The following CCNYL1 variants were observed in gnomAD, a reference collection of about 807,000 sequenced individuals.
CCNYL1 encodes the protein cyclin-Y-like protein 1.
CCNYL1 carries 16 observed loss-of-function variants against 44.2 expected under a neutral mutation model. The observed-to-expected ratio is 0.36, with a 90% confidence interval of 0.25 to 0.55. The LOEUF (loss-of-function observed/expected upper bound fraction) is 0.55, where lower values mean the gene tolerates loss of function less well. Ranked by LOEUF, CCNYL1 falls within the 20% of genes least tolerant of loss-of-function variation. The pLI is 0.85. For synonymous variants in CCNYL1, 159 were observed against 163.2 expected, an observed-to-expected ratio of 0.97 and a Z score of 0.20; for missense variants, 348 against 451.8, an observed-to-expected ratio of 0.77 and a Z score of 2.08.
chr2:207,725,100 A>T (rs2091670218), intron 2 of CCNYL1, among the ~76,000 whole-genome samples: 1 of 148,788 alleles, frequency 6.7e-6, no homozygotes, highest in Non-Finnish European at 1.5e-5. Flanking sequence ...AACACAATTA[A>T]TTGGCCACAT....
At position 207,754,643 on chromosome 2, in the gene CCNYL1, T is replaced by TG. The variant is rs200685932; in HGVS notation, c.*950dup. 1,078 of 152,834 alleles carry TG rather than the reference T, an allele frequency of 7.1e-3. 11 individuals carry two copies. The highest frequency in any genetic ancestry group is 0.035 in the South Asian group (168 of 4,840). 9.5% of individuals were successfully genotyped at this position (152,834 alleles called of 1,614,324 possible). On this transcript the variant is annotated 3_prime_UTR_variant, in exon 10 of 10. Transcript: ENST00000295414. ...TTTGTTTTGTTTGTTTTTAAAGAGA[T>TG]GGGGGTCTTACTGCGTTGTCCAGGC... is the stretch of plus-strand genomic sequence containing the variant.
intron 5 of CCNYL1, among the ~76,000 whole-genome samples, chr2:207,738,754 C>T (rs1456101606): frequency 6.6e-6 from 1 of 151,778 alleles, no homozygotes; most frequent in South Asian, 2.1e-4. Flanking sequence ...GAGTCTCATT[C>T]CATCACCCAG....
chr2:207,727,855 A>G (rs1171283361), intron 3 of CCNYL1, among the ~76,000 whole-genome samples: 1 of 151,734 alleles, frequency 6.6e-6, no homozygotes, highest in Admixed American at 6.6e-5. Flanking sequence ...CTATCTTGTT[A>G]TCCTTCCTAG....
chr2:207,712,957 A>C (rs1307280236), intron 1 of CCNYL1, among the ~76,000 whole-genome samples: 1 of 152,170 alleles, frequency 6.6e-6, no homozygotes, highest in Non-Finnish European at 1.5e-5. Context: ...CTGGGATTAC[A>C]GGCGTGCGCC....
Position 207,725,126 on chromosome 2 carries a change from A to ATTT in CCNYL1, c.295+267_295+269dup, listed in dbSNP as rs34595478. ...TTGGCCACATGATTTAGTAACATGG[A>ATTT]TTTTTTTTTTTTTTTTTGAGAGGCT... On this transcript the variant is annotated intron_variant, in intron 2 of 9. Coordinates refer to ENST00000295414, the MANE Select transcript of CCNYL1 (RefSeq NM_001330218.2). Among the ~76,000 whole-genome samples the ATTT allele has an allele frequency of 2.7e-3, 371 of 135,368 alleles. 8 individuals carry two copies. Among genetic ancestry groups the ATTT allele is most frequent in the South Asian group, 4.0e-3 (17 of 4,294 alleles). 88.8% of individuals were successfully genotyped at this position (135,368 alleles called of 152,430 possible). A position where few individuals can be genotyped will look rare whatever the true frequency, so the allele number is the denominator to read the frequency against.
intron 9 of CCNYL1, among the ~76,000 whole-genome samples, chr2:207,752,414 C>T (rs1242578040): frequency 6.6e-6 from 1 of 151,136 alleles, no homozygotes; most frequent in Non-Finnish European, 1.5e-5. Flanking sequence ...TGGTGGCAGA[C>T]GCCCAGTTAC....
intron 8 of CCNYL1, 158 bp from the exon 9 acceptor site, chr2:207,750,799 G>A (rs2091885543): frequency 4.8e-6 from 3 of 624,026 alleles, no homozygotes; most frequent in Non-Finnish European, 8.1e-6. Flanking sequence ...ACAAGTAACT[G>A]TACCTTATGT....
intron 2 of CCNYL1, 35 bp from the exon 3 acceptor site, chr2:207,726,807 A>G (rs760720392): frequency 3.4e-6 from 5 of 1,485,214 alleles, no homozygotes; most frequent in Non-Finnish European, 4.6e-6. Flanking sequence ...TGGCATTTGT[A>G]TCAGAATTGA....
chr2:207,733,265 T>G (rs1159804639), intron 3 of CCNYL1, among the ~76,000 whole-genome samples: 1 of 152,260 alleles, frequency 6.6e-6, no homozygotes, highest in Admixed American at 6.5e-5. Context: ...GAGAGTGTTC[T>G]CTGAGGTTCT....
At position 207,733,854 on chromosome 2, in the gene CCNYL1, T is replaced by A. The variant is rs147020571; in HGVS notation, c.331-93T>A. The stretch of plus-strand genomic sequence containing the variant: ...TCATGGAGTGTAAGAAATATCTTAA[T>A]GCTTTATCATTTGACATTTTAACCA... On this transcript the variant is annotated intron_variant, in intron 3 of 9. Coordinates refer to ENST00000295414, the MANE Select transcript of CCNYL1 (RefSeq NM_001330218.2). 860 of 768,938 alleles carry A rather than the reference T, an allele frequency of 1.1e-3. 6 individuals are homozygous for A. The African/African-American group carries it at 0.013, about 11-fold the overall frequency. 47.6% of individuals were successfully genotyped at this position (768,938 alleles called of 1,614,324 possible).
intron 8 of CCNYL1, 116 bp downstream of exon 8, chr2:207,747,329 G>T (rs1251163698): frequency 3.7e-6 from 3 of 805,658 alleles, no homozygotes; most frequent in Non-Finnish European, 5.7e-6. Context: ...ATGGAAATAG[G>T]CATAAGACTA....
chr2:207,753,245 C>T lies in CCNYL1; in HGVS notation c.970-343C>T, dbSNP rs139951253. On this transcript the variant is annotated intron_variant, in intron 9 of 9. Transcript: ENST00000295414. ...ATAAACATTTTTTTGCACAAGTGTA[C>T]GTTTGTTATATTTAAGGAATAAGTT... 2.7e-3 allele frequency among the ~76,000 whole-genome samples: 406 copies of T among 152,094 alleles called. 1 individual carries two copies. Among genetic ancestry groups the T allele is most frequent in the African/African-American group, 9.0e-3 (374 of 41,478 alleles).
intron 7 of CCNYL1, among the ~76,000 whole-genome samples, chr2:207,745,439 T>G (rs915021252): frequency 2.0e-5 from 3 of 152,220 alleles, no homozygotes; most frequent in African/African-American, 7.2e-5. Context: ...AGGGATTGTC[T>G]ATGTTGTTTC....
intron 7 of CCNYL1, among the ~76,000 whole-genome samples, chr2:207,745,786 TA>T (rs747084206): frequency 2.0e-5 from 3 of 152,122 alleles, no homozygotes; most frequent in Admixed American, 1.3e-4. Context: ...CCGTCTCTAC[TA>T]AAAATACAAA....
At chr2:207,745,794 C>G (rs1387635138) in intron 7 of CCNYL1, among the ~76,000 whole-genome samples, 1 of 152,092 alleles carries the variant, frequency 6.6e-6, no homozygotes, top group African/African-American at 2.4e-5. Flanking sequence ...ACTAAAAATA[C>G]AAAAATTAGC....
At chr2:207,748,276 C>T (rs1334657036) in intron 8 of CCNYL1, among the ~76,000 whole-genome samples, 2 of 152,186 alleles carry the variant, frequency 1.3e-5, no homozygotes, top group African/African-American at 2.4e-5. Context: ...CATCATCCAA[C>T]GCTCACCACA....
At chr2:207,718,971 C>A (rs2091618857) in intron 1 of CCNYL1, among the ~76,000 whole-genome samples, 1 of 147,426 alleles carries the variant, frequency 6.8e-6, no homozygotes, top group Non-Finnish European at 1.5e-5. Flanking sequence ...AATTATGGAG[C>A]TGTTAAAAAA....
At chr2:207,724,624 T>G (rs1448520949) in intron 1 of CCNYL1, among the ~76,000 whole-genome samples, 176 bp from the exon 2 acceptor site, 1 of 152,242 alleles carries the variant, frequency 6.6e-6, no homozygotes, top group African/African-American at 2.4e-5. Flanking sequence ...TGTGGAGAGA[T>G]TCTACAATTT....
chr2:207,724,469 T>C (rs2663895), intron 1 of CCNYL1, among the ~76,000 whole-genome samples: 23,643 of 152,138 alleles, frequency 0.16, 3,029 homozygotes, highest in East Asian at 0.38. Flanking sequence ...GTAATAGCAG[T>C]AGAGAGGAGA....
Sources: allele counts gnomAD v4.1 joint callset (sites outside exome capture counted in the v4.1 genomes callset), GRCh38; gene constraint gnomAD v4.1.1; transcripts MANE v1.5; gene names NCBI Gene and HGNC (gene_info 2026-07-23, HGNC 2026-07-21).